ITFG1: variants seen among roughly 807,000 people sequenced by gnomAD.
ITFG1 encodes T-cell immunomodulatory protein.
Under a neutral mutation model 81.8 loss-of-function variants are expected in ITFG1, and 34 were observed. The ratio of observed to expected loss-of-function variants is 0.42; its 90% confidence interval spans 0.32 to 0.55. ITFG1 has a LOEUF of 0.55. Among genes scored for constraint, ITFG1 ranks in the 20% least tolerant of loss-of-function variants. ITFG1 has a pLI of 0.17. For missense variants in ITFG1, 672 were observed against 755.4 expected, an observed-to-expected ratio of 0.89 and a Z score of 1.29; for synonymous variants, 285 against 270.6, an observed-to-expected ratio of 1.05 and a Z score of -0.52.
At chr16:47,251,237 G>T (rs1966071059) in intron 12 of ITFG1, among the ~76,000 whole-genome samples, 1 of 152,178 alleles carries the variant, frequency 6.6e-6, no homozygotes, top group African/African-American at 2.4e-5. Flanking sequence ...TGTGTCTCTT[G>T]CTAGTGACTT....
intron 10 of ITFG1, among the ~76,000 whole-genome samples, chr16:47,295,732 G>A (rs376054754): frequency 3.3e-5 from 5 of 152,100 alleles, no homozygotes; most frequent in East Asian, 1.9e-4. Context: ...TATCAATTTT[G>A]TTTACATTTT....
chr16:47,191,988 G>C (rs144927089), intron 14 of ITFG1, among the ~76,000 whole-genome samples: 3 of 151,960 alleles, frequency 2.0e-5, no homozygotes, highest in Admixed American at 1.3e-4. Context: ...GTTATTTCTC[G>C]AGCCCAGTCT....
intron 14 of ITFG1, among the ~76,000 whole-genome samples, chr16:47,205,605 C>G (rs1172975524): frequency 6.6e-6 from 1 of 152,096 alleles, no homozygotes; most frequent in Non-Finnish European, 1.5e-5. Flanking sequence ...GAGCTTCTAG[C>G]CTTCTGAATA....
intron 12 of ITFG1, among the ~76,000 whole-genome samples, chr16:47,257,434 G>T (rs1212631964): frequency 6.6e-6 from 1 of 152,116 alleles, no homozygotes; most frequent in Non-Finnish European, 1.5e-5. Context: ...ACATGTACAG[G>T]GTCTTTATGA....
chr16:47,233,907 T>C (rs1174567664), intron 13 of ITFG1, among the ~76,000 whole-genome samples: 2 of 152,188 alleles, frequency 1.3e-5, no homozygotes, highest in South Asian at 2.1e-4. Flanking sequence ...AAGGAGTCTG[T>C]AGCGAAACCG....
chr16:47,453,961 A>G lies in ITFG1; in HGVS notation c.427+52T>C, dbSNP rs1451358822. The G allele has an allele frequency of 5.2e-6, 6 of 1,153,094 alleles. No individual in the cohort carries two copies. The African/African-American group carries it at 9.4e-5, about 18-fold the overall frequency. 71.4% of individuals were successfully genotyped at this position (1,153,094 alleles called of 1,614,324 possible). A position where few individuals can be genotyped will look rare whatever the true frequency, so the allele number is the denominator to read the frequency against. ...TGATTTCAGAACAATATTTTGTTAC[A>G]TTTACCTTCATATTCAATGATAAAT... On this transcript the variant is annotated intron_variant, in intron 3 of 17. Transcript: ENST00000320640.
In ITFG1 at chr16:47,230,420, TGCAG is replaced by T. The variant is rs373254614; in HGVS notation, c.1374+7541_1374+7544del. ...AGGTGAGGAATTTGAGAGATCCAAATGCAGGCAACTCGAGTTTGGCTGAGAAAAG... is the reference window on the plus strand; with the variant it reads ...AGGTGAGGAATTTGAGAGATCCAAATGCAACTCGAGTTTGGCTGAGAAAAG... On this transcript the variant is annotated intron_variant, in intron 13 of 17. Coordinates refer to ENST00000320640, the MANE Select transcript of ITFG1 (RefSeq NM_030790.5). Among the ~76,000 whole-genome samples, 38 of 152,198 alleles carry T rather than the reference TGCAG, an allele frequency of 2.5e-4. 1 individual carries two copies. In the South Asian group the frequency reaches 6.2e-3, roughly 25 times the overall value.
intron 14 of ITFG1, among the ~76,000 whole-genome samples, chr16:47,172,746 A>C (rs1178465377): frequency 2.0e-5 from 3 of 152,172 alleles, no homozygotes; most frequent in Non-Finnish European, 4.4e-5. Context: ...CCAAGCCACC[A>C]CCAACTTTTG....
chr16:47,390,909 TTGAG>T (rs1422397249), intron 6 of ITFG1, among the ~76,000 whole-genome samples: 1 of 152,128 alleles, frequency 6.6e-6, no homozygotes, highest in Non-Finnish European at 1.5e-5. Context: ...AAAATCTAGT[TTGAG>T]TGATTAGACA....
At chr16:47,166,778 A>T (rs3105544) in intron 14 of ITFG1, among the ~76,000 whole-genome samples, 150,839 of 152,270 alleles carry the variant, frequency 0.99, 74,725 homozygotes, top group East Asian at 1. Context: ...CACCCAAATT[A>T]GTTTGCACCC....
At position 47,277,995 on chromosome 16, in the gene ITFG1, T is replaced by C. The variant is rs1966415745; in HGVS notation, c.1071-17300A>G. On this transcript the variant is annotated intron_variant, in intron 10 of 17. Transcript: ENST00000320640. Reference sequence around the variant, plus strand: ...CTTTAAAGTATATCACAAAATTATATATAAAATATAAGGCAGAATAAATTT... The same window carrying C: ...CTTTAAAGTATATCACAAAATTATACATAAAATATAAGGCAGAATAAATTT... Among the ~76,000 whole-genome samples the C allele has an allele frequency of 2.0e-5, 3 of 152,200 alleles. No homozygotes were observed. In the South Asian group the frequency reaches 6.2e-4, roughly 31 times the overall value.
intron 8 of ITFG1, among the ~76,000 whole-genome samples, chr16:47,356,401 T>C (rs1204069084): frequency 2.0e-5 from 3 of 152,152 alleles, no homozygotes; most frequent in Admixed American, 2.0e-4. Context: ...AAATTCAACA[T>C]ATATTAGTTA....
intron 6 of ITFG1, among the ~76,000 whole-genome samples, chr16:47,386,535 T>TA (rs889568883): frequency 4.6e-5 from 7 of 152,190 alleles, no homozygotes; most frequent in Non-Finnish European, 8.8e-5. Context: ...ATCCAGCCCC[T>TA]ACTCACAAAG....
At chr16:47,427,698 C>T (rs1969040881) in intron 6 of ITFG1, among the ~76,000 whole-genome samples, 1 of 152,202 alleles carries the variant, frequency 6.6e-6, no homozygotes, top group African/African-American at 2.4e-5. Context: ...GAAAAATCCA[C>T]ACAACTGTAC....
intron 5 of ITFG1, among the ~76,000 whole-genome samples, chr16:47,447,022 C>T (rs1009254124): frequency 6.6e-6 from 1 of 151,834 alleles, no homozygotes; most frequent in Admixed American, 6.6e-5. Flanking sequence ...CCATCATGCT[C>T]GATTAATTTT....
chr16:47,382,193 A>G (rs1968404066), intron 6 of ITFG1, among the ~76,000 whole-genome samples: 1 of 152,234 alleles, frequency 6.6e-6, no homozygotes, highest in African/African-American at 2.4e-5. Flanking sequence ...GATTTTGCTC[A>G]TGAGTATTGG....
At chr16:47,262,979 G>T in intron 10 of ITFG1, 1 of 179,408 alleles carries the variant, frequency 5.6e-6, no homozygotes, top group South Asian at 1.4e-4. Flanking sequence ...TAAAGAAGGT[G>T]ACAGAGATCA....
At chr16:47,360,324 T>A (rs1477590175) in intron 8 of ITFG1, among the ~76,000 whole-genome samples, 1 of 152,156 alleles carries the variant, frequency 6.6e-6, no homozygotes, top group African/African-American at 2.4e-5. Flanking sequence ...GGTACAGTAG[T>A]ACATTTAAGA....
chr16:47,180,808 G>C (rs942355110), intron 14 of ITFG1, among the ~76,000 whole-genome samples: 1 of 151,424 alleles, frequency 6.6e-6, no homozygotes, highest in African/African-American at 2.4e-5. Flanking sequence ...CCGCCACCCC[G>C]TCTGGGAAGT....
Sources: gnomAD v4.1 joint callset for allele counts (sites outside exome capture counted in the v4.1 genomes callset) on GRCh38, gnomAD v4.1.1 for gene constraint, MANE v1.5 for transcripts, NCBI Gene and HGNC (gene_info 2026-07-23, HGNC 2026-07-21) for gene names.